PACRG: variants seen among roughly 807,000 people sequenced by gnomAD.
The protein encoded by PACRG is parkin coregulated, also known as parkin coregulated gene protein.
In PACRG, 29 loss-of-function variants were observed where a neutral mutation model predicts 29.7. The observed-to-expected ratio is 0.98, with a 90% CI of 0.73 to 1.33. The LOEUF (loss-of-function observed/expected upper bound fraction) is 1.33. PACRG is among the 40% of genes most tolerant of loss of function. PACRG has a pLI of 0.00. For missense variants in PACRG, 279 were observed against 316.2 expected, an observed-to-expected ratio of 0.88 and a Z score of 0.89; for synonymous variants, 116 against 118.7, an observed-to-expected ratio of 0.98 and a Z score of 0.15.
intron 4 of PACRG, among the ~76,000 whole-genome samples, chr6:163,235,607 A>G (rs1782205319): frequency 6.6e-6 from 1 of 152,160 alleles, no homozygotes; most frequent in Admixed American, 6.5e-5. Flanking sequence ...CTAGCAAGGA[A>G]ATGTGCCTAA....
chr6:162,976,359 C>T (rs565615562), intron 2 of PACRG, among the ~76,000 whole-genome samples: 5 of 152,162 alleles, frequency 3.3e-5, no homozygotes, highest in East Asian at 1.9e-4. Context: ...TTATGAGGGC[C>T]GAACGAAGTG....
chr6:162,727,741 C>T, upstream of PACRG: 4 of 1,478,160 alleles, frequency 2.7e-6, no homozygotes, highest in Non-Finnish European at 3.7e-6. Flanking sequence ...GCGCCTCCCA[C>T]CAGCGGCTCT....
At chr6:163,208,693 G>C (rs982243976) in intron 4 of PACRG, among the ~76,000 whole-genome samples, 1 of 152,020 alleles carries the variant, frequency 6.6e-6, no homozygotes, top group African/African-American at 2.4e-5. Flanking sequence ...TATCTTCTTT[G>C]CATGGAATAA....
chr6:163,016,617 C>T (rs904228071), intron 2 of PACRG, among the ~76,000 whole-genome samples: 3 of 151,804 alleles, frequency 2.0e-5, no homozygotes, highest in South Asian at 2.1e-4. Context: ...AATATGGGGT[C>T]GAAATGAATC....
chr6:163,033,629 A>G (rs1807876708), intron 2 of PACRG, among the ~76,000 whole-genome samples: 1 of 152,236 alleles, frequency 6.6e-6, no homozygotes, highest in Non-Finnish European at 1.5e-5. Context: ...AAGCTCTTTC[A>G]TTTATAAACA....
At chr6:163,044,163 CA>C (rs1268980603) in intron 2 of PACRG, among the ~76,000 whole-genome samples, 1 of 141,896 alleles carries the variant, frequency 7.0e-6, no homozygotes, top group East Asian at 2.2e-4. Flanking sequence ...ATATGGGAAA[CA>C]GATGACTTTT....
At chr6:163,142,447 A>G (rs1266590223) in intron 4 of PACRG, among the ~76,000 whole-genome samples, 1 of 152,216 alleles carries the variant, frequency 6.6e-6, no homozygotes, top group East Asian at 1.9e-4. Context: ...AAATAAGCCA[A>G]TAAACATTAA....
At chr6:163,190,727 A>G (rs1394926296) in intron 4 of PACRG, 5 of 224,740 alleles carry the variant, frequency 2.2e-5, no homozygotes, top group South Asian at 6.1e-5. Flanking sequence ...TAGAACTAGA[A>G]TTGGGCAAAA....
intron 4 of PACRG, among the ~76,000 whole-genome samples, chr6:163,249,783 T>C (rs1427493517): frequency 6.6e-6 from 1 of 152,256 alleles, no homozygotes; most frequent in Non-Finnish European, 1.5e-5. Flanking sequence ...GACCGGCTTC[T>C]GGGTTGGCTT....
At chr6:163,100,515 C>T (rs1308723444) in intron 4 of PACRG, among the ~76,000 whole-genome samples, 3 of 152,142 alleles carry the variant, frequency 2.0e-5, no homozygotes, top group Non-Finnish European at 2.9e-5. Flanking sequence ...CACCAAGGCA[C>T]GTCCCGCTGT....
chr6:163,092,347 T>C (rs1415103801), intron 4 of PACRG, among the ~76,000 whole-genome samples: 1 of 151,984 alleles, frequency 6.6e-6, no homozygotes, highest in Non-Finnish European at 1.5e-5. Flanking sequence ...CAAGGACCAG[T>C]TGGAAATCAA....
In PACRG at chr6:162,941,732, AATAC is replaced by A. The variant is rs1798646484; in HGVS notation, c.292-120412_292-120409del. Among the ~76,000 whole-genome samples, 16 of 152,316 alleles carry A rather than the reference AATAC, an allele frequency of 1.1e-4. 1 individual carries two copies. The South Asian group carries it at 3.3e-3, about 32-fold the overall frequency. Reference sequence around the variant, plus strand: ...ATATTTCAAGACATTGTACCCCATAAATACATACAATTATAATTTGTTAATTAAA... The same window carrying A: ...ATATTTCAAGACATTGTACCCCATAAATACAATTATAATTTGTTAATTAAA... On this transcript the variant is annotated intron_variant, in intron 2 of 4. Transcript: ENST00000366888.
At position 163,314,844 on chromosome 6, in the gene PACRG, A is replaced by G. The variant is rs764841230; in HGVS notation, c.631A>G (p.Ile211Val). Residue 211 changes from isoleucine to valine, a missense_variant, in exon 5 of 5, where the codon ATT (isoleucine) becomes GTT (valine). By Grantham distance (29) the Ile-to-Val change is conservative (BLOSUM62 3). Coordinates refer to ENST00000366888, the MANE Select transcript of PACRG (RefSeq NM_001080379.2). ...TGCACCAGTGAACTCCGGAGACGGC[A>G]TTGACTACAGCCAGCAGAAGAGGGA... ...KNMNVNSGDG[I>V]DYSQQKRENI... The G allele has an allele frequency of 5.0e-6, 8 of 1,613,922 alleles. No homozygotes were observed. The highest frequency in any genetic ancestry group is 1.7e-5 in the Admixed American group (1 of 59,962).
intron 2 of PACRG, among the ~76,000 whole-genome samples, chr6:162,919,165 TTAG>T (rs1796894326): frequency 2.0e-5 from 3 of 152,184 alleles, no homozygotes; most frequent in Non-Finnish European, 2.9e-5. Flanking sequence ...GAGGCATATT[TTAG>T]ACGAAGAACA....
At chr6:162,967,954 T>C (rs1801188052) in intron 2 of PACRG, among the ~76,000 whole-genome samples, 1 of 152,214 alleles carries the variant, frequency 6.6e-6, no homozygotes, top group Non-Finnish European at 1.5e-5. Context: ...TTTTAAAATA[T>C]TCTATATTTC....
At chr6:163,088,474 TA>T (rs1410344377) in intron 3 of PACRG, among the ~76,000 whole-genome samples, 1 of 152,176 alleles carries the variant, frequency 6.6e-6, no homozygotes, top group Non-Finnish European at 1.5e-5. Context: ...AAAGTGCCAG[TA>T]AGTTGGCCAA....
intron 4 of PACRG, among the ~76,000 whole-genome samples, chr6:163,239,142 T>C (rs1782363826): frequency 6.6e-6 from 1 of 152,206 alleles, no homozygotes; most frequent in African/African-American, 2.4e-5. Flanking sequence ...ATTTTTCTCA[T>C]TTATAAAATG....
chr6:163,150,434 C>T (rs977800835), intron 4 of PACRG, among the ~76,000 whole-genome samples: 3 of 152,190 alleles, frequency 2.0e-5, no homozygotes, highest in Non-Finnish European at 2.9e-5. Context: ...TGCTCCCTCG[C>T]CTGTGCTCAC....
chr6:163,290,207 A>G (rs1035764526), intron 4 of PACRG, among the ~76,000 whole-genome samples: 1 of 151,302 alleles, frequency 6.6e-6, no homozygotes, highest in African/African-American at 2.4e-5. Flanking sequence ...GTCACGGCCA[A>G]TCCCCACCCT....
Sources: gnomAD v4.1 joint callset for allele counts (sites outside exome capture counted in the v4.1 genomes callset) on GRCh38, gnomAD v4.1.1 for gene constraint, MANE v1.5 for transcripts, NCBI Gene and HGNC (gene_info 2026-07-23, HGNC 2026-07-21) for gene names.